The following TYW1B variants were observed in gnomAD, a reference collection of about 807,000 sequenced individuals.
TYW1B encodes tRNA-yW synthesizing protein 1 homolog B.
A neutral mutation model predicts 86.9 loss-of-function variants in TYW1B; 73 were observed. The observed-to-expected ratio is 0.84, with a 90% CI of 0.70 to 1.02. The LOEUF (loss-of-function observed/expected upper bound fraction) is 1.02, where lower values mean the gene tolerates loss of function less well. TYW1B is among the 50% of genes least tolerant of loss of function. TYW1B has a pLI of 0.00. For synonymous variants in TYW1B, 248 were observed against 292.8 expected, an observed-to-expected ratio of 0.85 and a Z score of 1.56; for missense variants, 637 against 827.4, an observed-to-expected ratio of 0.77 and a Z score of 2.82.
intron 8 of TYW1B, among the ~76,000 whole-genome samples, chr7:72,742,408 G>A (rs1787321261): frequency 6.6e-6 from 1 of 152,148 alleles, no homozygotes; most frequent in South Asian, 2.1e-4. Context: ...AGTGTTACAG[G>A]CATAAGCCAC....
intron 9 of TYW1B, among the ~76,000 whole-genome samples, chr7:72,722,586 A>G (rs1203310737): frequency 2.0e-5 from 3 of 152,216 alleles, no homozygotes; most frequent in Admixed American, 6.5e-5. Context: ...GAAAAGAAAG[A>G]TATTTTTATA....
At chr7:72,815,068 CA>C (rs576240918) in intron 3 of TYW1B, among the ~76,000 whole-genome samples, 2,602 of 72,876 alleles carry the variant, frequency 0.036, 13 homozygotes, top group Non-Finnish European at 0.049. Flanking sequence ...GACTCCATCT[CA>C]AAAAAAAAAA....
Position 72,750,176 on chromosome 7 carries a change from C to G in TYW1B, c.965-5575G>C, listed in dbSNP as rs1375593519. On this transcript the variant is annotated intron_variant, in intron 7 of 13. Coordinates refer to ENST00000620995, the MANE Select transcript of TYW1B (RefSeq NM_001145440.3). The stretch of plus-strand genomic sequence containing the variant: ...TCAGCCTCCCAAAGTGCTGGGATTA[C>G]AGGCGTGAGCCACTGCACCCAGCCC... 2.6e-5 allele frequency among the ~76,000 whole-genome samples: 4 copies of G among 152,108 alleles called. No individual in the cohort carries two copies. The East Asian group carries it at 7.7e-4, about 29-fold the overall frequency.
chr7:72,732,719 C>T (rs1233123414), intron 8 of TYW1B, among the ~76,000 whole-genome samples: 1 of 151,852 alleles, frequency 6.6e-6, no homozygotes, highest in African/African-American at 2.4e-5. Flanking sequence ...AAAGCAAAAA[C>T]AAACCAAACC....
At chr7:72,793,936 A>G (rs1315705312) in intron 6 of TYW1B, among the ~76,000 whole-genome samples, 3 of 152,154 alleles carry the variant, frequency 2.0e-5, no homozygotes, top group Admixed American at 2.0e-4. Flanking sequence ...CTCTAGCCCC[A>G]CAAGAAAACT....
At chr7:72,576,541 C>A (rs1811026325) in intron 13 of TYW1B, among the ~76,000 whole-genome samples, 2 of 130,720 alleles carry the variant, frequency 1.5e-5, no homozygotes, top group Non-Finnish European at 3.1e-5. Flanking sequence ...GAGACGGAGT[C>A]TCGCTCTGTA....
At chr7:72,652,899 TA>T (rs1470981923) in intron 11 of TYW1B, among the ~76,000 whole-genome samples, 2 of 152,184 alleles carry the variant, frequency 1.3e-5, no homozygotes, top group Non-Finnish European at 2.9e-5. Flanking sequence ...TTCCAGAATT[TA>T]AGTAAATGAT....
intron 9 of TYW1B, among the ~76,000 whole-genome samples, chr7:72,720,904 C>G (rs1224047073): frequency 1.4e-5 from 2 of 145,464 alleles, no homozygotes; most frequent in African/African-American, 5.1e-5. Flanking sequence ...CCCCCTCCCC[C>G]CAACCCATGA....
rs1322979181 is a variant in TYW1B at position 72,592,768 on chromosome 7, C to T, written c.1786-17049G>A. Among the ~76,000 whole-genome samples the T allele has an allele frequency of 2.3e-4, 35 of 152,052 alleles. 1 individual carries two copies. Among genetic ancestry groups the T allele is most frequent in the African/African-American group, 8.2e-4 (34 of 41,362 alleles). On this transcript the variant is annotated intron_variant, in intron 13 of 13. Coordinates refer to ENST00000620995, the MANE Select transcript of TYW1B (RefSeq NM_001145440.3). Reference sequence around the variant, plus strand: ...GGCTCTACTAATATCAAAGAAAATACGACTTTGAATTAAAAAGGTTATGAA... The same window carrying T: ...GGCTCTACTAATATCAAAGAAAATATGACTTTGAATTAAAAAGGTTATGAA...
intron 5 of TYW1B, among the ~76,000 whole-genome samples, chr7:72,805,954 C>T (rs782006588): frequency 6.6e-6 from 1 of 151,876 alleles, no homozygotes; most frequent in Admixed American, 6.6e-5. Flanking sequence ...AAGACAGGAG[C>T]TTCAAAGGAA....
At chr7:72,663,331 T>C (rs1398715099) in intron 11 of TYW1B, among the ~76,000 whole-genome samples, 1 of 152,158 alleles carries the variant, frequency 6.6e-6, no homozygotes, top group Non-Finnish European at 1.5e-5. Flanking sequence ...GTAAATATCA[T>C]TAAAAACAAA....
At chr7:72,733,886 G>A (rs1295453006) in intron 8 of TYW1B, among the ~76,000 whole-genome samples, 14 of 152,012 alleles carry the variant, frequency 9.2e-5, no homozygotes, top group Non-Finnish European at 1.2e-4. Flanking sequence ...AAATCACATG[G>A]AACCACTAAA....
chr7:72,763,455 T>G (rs1554467642), intron 7 of TYW1B, among the ~76,000 whole-genome samples: 5 of 151,750 alleles, frequency 3.3e-5, no homozygotes, highest in Non-Finnish European at 7.4e-5. Context: ...GCTAATTTTT[T>G]GTACTTTTAG....
intron 9 of TYW1B, among the ~76,000 whole-genome samples, chr7:72,727,830 A>G (rs1375087967): frequency 1.4e-5 from 2 of 146,112 alleles, no homozygotes; most frequent in Non-Finnish European, 1.5e-5. Context: ...AAAAAAAAAA[A>G]AAAGAAGAAA....
At chr7:72,734,875 AATC>A (rs1224337666) in intron 8 of TYW1B, among the ~76,000 whole-genome samples, 2 of 152,228 alleles carry the variant, frequency 1.3e-5, no homozygotes, top group Admixed American at 1.3e-4. Flanking sequence ...CAACATCACT[AATC>A]ATCAGAGAAA....
At chr7:72,760,497 CTTTA>C (rs782060159) in intron 7 of TYW1B, among the ~76,000 whole-genome samples, 11 of 152,088 alleles carry the variant, frequency 7.2e-5, no homozygotes, top group African/African-American at 2.2e-4. Context: ...ACTATAAGAT[CTTTA>C]TTTGTGTGCA....
At chr7:72,695,436 A>G (rs1313955857) in intron 10 of TYW1B, among the ~76,000 whole-genome samples, 1 of 152,240 alleles carries the variant, frequency 6.6e-6, no homozygotes, top group Non-Finnish European at 1.5e-5. Flanking sequence ...ACACAGGAGC[A>G]CAGCCCAGAA....
chr7:72,810,496 G>C lies in TYW1B; in HGVS notation c.407C>G (p.Ser136Cys), dbSNP rs782793123. The C allele has an allele frequency of 2.5e-6, 4 of 1,613,424 alleles. No individual in the cohort carries two copies. The highest frequency in any genetic ancestry group is 1.7e-5 in the Admixed American group (1 of 59,846). Residue 136 changes from serine to cysteine, a missense_variant, in exon 4 of 14, where the codon TCT becomes TGT. Transcript: ENST00000620995. ...CTTGTTGAAGTGGCTAGCATAGGCA[G>C]AATTTCCCAGGCCAAATACCGCATC... ...MRDAVFGLGN[S>C]AYASHFNKVG...
intron 6 of TYW1B, among the ~76,000 whole-genome samples, chr7:72,780,781 T>C (rs1316275222): frequency 2.6e-5 from 4 of 152,190 alleles, no homozygotes; most frequent in East Asian, 3.8e-4. Flanking sequence ...AACCTCCATA[T>C]GCAGTAGTAA....
Sources: gnomAD v4.1 joint callset for allele counts (sites outside exome capture counted in the v4.1 genomes callset) on GRCh38, gnomAD v4.1.1 for gene constraint, MANE v1.5 for transcripts, NCBI Gene and HGNC (gene_info 2026-07-23, HGNC 2026-07-21) for gene names.